Variants in SLC45A1 observed in about 807,000 individuals in gnomAD.
SLC45A1 encodes proton-associated sugar transporter A.
A neutral mutation model predicts 57.6 loss-of-function variants in SLC45A1; 28 were observed. That is an observed-to-expected ratio of 0.49 (90% CI 0.36 to 0.67). The LOEUF (loss-of-function observed/expected upper bound fraction) is 0.67. SLC45A1 is among the 30% of genes least tolerant of loss of function. The probability of loss-of-function intolerance (pLI) is 0.00; values close to 1 mark genes in which losing one functional copy is unlikely to be tolerated. For missense variants in SLC45A1, 814 were observed against 1,041.5 expected, an observed-to-expected ratio of 0.78 and a Z score of 3.01; for synonymous variants, 459 against 471.5, an observed-to-expected ratio of 0.97 and a Z score of 0.34.
intron 6 of SLC45A1, among the ~76,000 whole-genome samples, chr1:8,336,895 C>T (rs977030032): frequency 9.2e-5 from 14 of 152,208 alleles, no homozygotes; most frequent in Admixed American, 6.5e-4. Flanking sequence ...CATGTCTGTG[C>T]TTCCCGGTGG....
intron 5 of SLC45A1, 148 bp downstream of exon 5, chr1:8,331,084 A>C: frequency 9.2e-7 from 1 of 1,085,444 alleles, no homozygotes; most frequent in Non-Finnish European, 1.3e-6. Flanking sequence ...CTAAAGAGAA[A>C]AGCCTTAGAG....
In SLC45A1 at chr1:8,328,749, G is replaced by C. The variant is rs1640278589; in HGVS notation, c.716-1460G>C. ...AGCTACTCGGGAGGCTGAGGCAGGAGAATCACTTGAGCCCAGGAGGAGGAG... is the reference window on the plus strand; with the variant it reads ...AGCTACTCGGGAGGCTGAGGCAGGACAATCACTTGAGCCCAGGAGGAGGAG... On this transcript the variant is annotated intron_variant, in intron 4 of 8. Transcript: ENST00000471889. This position sits in a 1 kb window ranked among gnomAD's most constrained non-coding sequence, Gnocchi z 4.6. Among the ~76,000 whole-genome samples the C allele has an allele frequency of 6.6e-6, 1 of 152,216 alleles. No individual in the cohort carries two copies. Among genetic ancestry groups the C allele is most frequent in the African/African-American group, 2.4e-5 (1 of 41,450 alleles).
chr1:8,344,117 T>A lies in SLC45A1; in HGVS notation c.*104T>A. The A allele has an allele frequency of 9.6e-7, 1 of 1,039,830 alleles. No homozygotes were observed. Among genetic ancestry groups the A allele is most frequent in the South Asian group, 1.7e-5 (1 of 57,786 alleles). 64.4% of individuals were successfully genotyped at this position (1,039,830 alleles called of 1,614,324 possible). A position where few individuals can be genotyped will look rare whatever the true frequency, so the allele number is the denominator to read the frequency against. ...TTGTTGGACAGGGGGACTGGCTGCC[T>A]ACTGGAATGTAAATATGTGATAAAA... On this transcript the variant is annotated 3_prime_UTR_variant, in exon 9 of 9. Coordinates refer to ENST00000471889, the MANE Select transcript of SLC45A1 (RefSeq NM_001080397.3).
intron 4 of SLC45A1, among the ~76,000 whole-genome samples, chr1:8,329,222 T>C (rs537546610): frequency 1.3e-5 from 2 of 152,268 alleles, no homozygotes; most frequent in East Asian, 3.9e-4. Context: ...CCATAGAAGT[T>C]CTTATTTGAA....
rs1640283044 is a variant in SLC45A1 at position 8,328,824 on chromosome 1, A to C, written c.716-1385A>C. ...GCTGCACTCCAGCCTGGGCAATAAG[A>C]GTGAAACTCCGTCTCAAAGAAAAAT... On this transcript the variant is annotated intron_variant, in intron 4 of 8. Coordinates refer to ENST00000471889, the MANE Select transcript of SLC45A1 (RefSeq NM_001080397.3). This position sits in a 1 kb window ranked among gnomAD's most constrained non-coding sequence, Gnocchi z 4.6. Among the ~76,000 whole-genome samples, 1 of 152,206 alleles carries C rather than the reference A, an allele frequency of 6.6e-6. No individual in the cohort carries two copies. The highest frequency in any genetic ancestry group is 2.1e-4 in the South Asian group (1 of 4,836).
At chr1:8,342,966 C>G (rs1002510972) in intron 8 of SLC45A1, among the ~76,000 whole-genome samples, 2 of 152,098 alleles carry the variant, frequency 1.3e-5, no homozygotes, top group African/African-American at 2.4e-5. Context: ...CTGAGTTTCT[C>G]TCTCTCCCTT....
rs775819094 is a variant in SLC45A1 at position 8,330,233 on chromosome 1, TG to T, written c.742del (p.Val248SerfsTer30). On this transcript the variant is annotated frameshift_variant, in exon 5 of 9. Coordinates refer to ENST00000471889, the MANE Select transcript of SLC45A1 (RefSeq NM_001080397.3). LOFTEE classifies it high-confidence loss of function. The surrounding 1 kb of genome is among the most constrained non-coding windows in gnomAD (Gnocchi z 8.4). Reference protein sequence around the residue: ...LAGLGGGFGYVVGGIHWDKTG... With the variant: ...LAGLGGGFGYXVGGIHWDKTG... ...GGTCTCGGAGGAGGCTTTGGATACG[TG>T]GTCGGCGGAATCCACTGGGATAAAA... 7 of 1,613,736 alleles carry T rather than the reference TG, an allele frequency of 4.3e-6. No homozygotes were observed. Among genetic ancestry groups the T allele is most frequent in the Non-Finnish European group, 5.9e-6 (7 of 1,179,904 alleles).
In SLC45A1 at chr1:8,335,494, G is replaced by T; in HGVS notation, c.1501G>T (p.Glu501Ter). The change falls in exon 6 of 9, where the codon GAG (glutamate) becomes TAG (stop). Residue 501 changes from glutamate to a stop codon, truncating the protein, a stop_gained. Coordinates refer to ENST00000471889, the MANE Select transcript of SLC45A1 (RefSeq NM_001080397.3). LOFTEE classifies it high-confidence loss of function. This position sits in a 1 kb window ranked among gnomAD's most constrained non-coding sequence, Gnocchi z 4.1. Reference protein sequence around the residue: ...KYESELTGSSERAEQPLSVGR... With the variant: ...KYESELTGSS ...TGAGAGCGAGCTGACGGGCTCCAGC[G>T]AGCGCGCGGAGCAGCCTCTGTCCGT... 1.2e-6 allele frequency: 2 copies of T among 1,602,564 alleles called. No homozygotes were observed. The highest frequency in any genetic ancestry group is 1.7e-6 in the Non-Finnish European group (2 of 1,179,640).
chr1:8,326,046 A>T lies in SLC45A1; in HGVS notation c.715+4A>T. On this transcript the variant is annotated splice_donor_region_variant and intron_variant, in intron 4 of 8. Transcript: ENST00000471889. The surrounding 1 kb of genome is among the most constrained non-coding windows in gnomAD (Gnocchi z 5.5). Reference sequence around the variant, plus strand: ...AACATCCACGCCCTCCTGGCAGGTGAGTCTCCGCAGCAGGGCCGAAGCTGA... The same window carrying T: ...AACATCCACGCCCTCCTGGCAGGTGTGTCTCCGCAGCAGGGCCGAAGCTGA... The T allele has an allele frequency of 6.3e-7, 1 of 1,599,580 alleles. No homozygotes were observed. The highest frequency in any genetic ancestry group is 8.5e-7 in the Non-Finnish European group (1 of 1,179,012).
Position 8,324,504 on chromosome 1 carries a change from T to TGCCCCC in SLC45A1, c.175_176insGCCCCC (p.Ser59delinsCysProPro). On this transcript the variant is annotated protein_altering_variant, in exon 2 of 9. Transcript: ENST00000471889. ...CAAGAGGAGGAAGTGCATTCGTCCC[T>TGCCCCC]CCCCACCCCCGCCCCCCAACACCCC... 6 of 1,528,646 alleles carry TGCCCCC rather than the reference T, an allele frequency of 3.9e-6. No individual in the cohort carries two copies. Among genetic ancestry groups the TGCCCCC allele is most frequent in the Non-Finnish European group, 5.4e-6 (6 of 1,108,726 alleles). 94.7% of individuals were successfully genotyped at this position (1,528,646 alleles called of 1,614,324 possible).
chr1:8,335,697 G>A lies in SLC45A1; in HGVS notation c.1597+107G>A. ...GCCTCCCTTCCCAGAACCTTTCTGAGTTCACCAGCCCCCAACAACAGCACC... is the reference window on the plus strand; with the variant it reads ...GCCTCCCTTCCCAGAACCTTTCTGAATTCACCAGCCCCCAACAACAGCACC... On this transcript the variant is annotated intron_variant, in intron 6 of 8. Coordinates refer to ENST00000471889, the MANE Select transcript of SLC45A1 (RefSeq NM_001080397.3). The surrounding 1 kb of genome is among the most constrained non-coding windows in gnomAD (Gnocchi z 4.1). The A allele has an allele frequency of 5.5e-6, 7 of 1,277,694 alleles. No homozygotes were observed. The highest frequency in any genetic ancestry group is 7.4e-6 in the Non-Finnish European group (7 of 950,040). 79.1% of individuals were successfully genotyped at this position (1,277,694 alleles called of 1,614,324 possible).
At position 8,328,217 on chromosome 1, in the gene SLC45A1, G is replaced by C. The variant is rs1040004291; in HGVS notation, c.716-1992G>C. 6.6e-6 allele frequency: 1 copy of C among 152,076 alleles called. No homozygotes were observed. Among genetic ancestry groups the C allele is most frequent in the African/African-American group, 2.4e-5 (1 of 41,382 alleles). The allele number at this position is 152,076 out of a possible 1,614,324, so 9.4% of individuals were successfully genotyped here. A position where few individuals can be genotyped will look rare whatever the true frequency, so the allele number is the denominator to read the frequency against. On this transcript the variant is annotated intron_variant, in intron 4 of 8. Coordinates refer to ENST00000471889, the MANE Select transcript of SLC45A1 (RefSeq NM_001080397.3). This position sits in a 1 kb window ranked among gnomAD's most constrained non-coding sequence, Gnocchi z 4.6. ...TATTGGAACAATGTTTAAAAATCAA[G>C]GGAAAAGCCTAATGAGACATTAGGC...
At position 8,343,958 on chromosome 1, in the gene SLC45A1, T is replaced by A. The variant is rs1232054308; in HGVS notation, c.2192T>A (p.Ile731Asn). ...LYSSLFVIYE[I>N]PPSDAADEEH... ...TCCTCCCTGTTTGTCATTTATGAAA[T>A]TCCTCCCAGCGACGCTGCAGACGAG... The change falls in exon 9 of 9, where the codon ATT becomes AAT. Residue 731 changes from isoleucine to asparagine, a missense_variant. Coordinates refer to ENST00000471889, the MANE Select transcript of SLC45A1 (RefSeq NM_001080397.3). This position sits in a 1 kb window ranked among gnomAD's most constrained non-coding sequence, Gnocchi z 7.7. The A allele has an allele frequency of 6.2e-7, 1 of 1,613,914 alleles. No homozygotes were observed. Among genetic ancestry groups the A allele is most frequent in the South Asian group, 1.1e-5 (1 of 91,068 alleles).
chr1:8,338,608 T>G (rs1640701422), intron 7 of SLC45A1, among the ~76,000 whole-genome samples: 2 of 152,246 alleles, frequency 1.3e-5, no homozygotes, highest in African/African-American at 2.4e-5. Context: ...TATTTCCGGC[T>G]TTGCCGGCCC....
At chr1:8,323,221 G>A (rs1392307413) in intron 1 of SLC45A1, among the ~76,000 whole-genome samples, 2 of 152,076 alleles carry the variant, frequency 1.3e-5, no homozygotes, top group African/African-American at 4.8e-5. Context: ...GGCTGGGCAC[G>A]GTGGCTCACG....
chr1:8,341,217 G>GAT (rs1398871161), intron 8 of SLC45A1, among the ~76,000 whole-genome samples: 3 of 142,910 alleles, frequency 2.1e-5, no homozygotes, highest in South Asian at 2.3e-4. Flanking sequence ...AAAAAAAAAA[G>GAT]AGTAAGAGGG....
chr1:8,344,105 G>A lies in SLC45A1; in HGVS notation c.*92G>A. 1 of 1,240,376 alleles carries A rather than the reference G, an allele frequency of 8.1e-7. No homozygotes were observed. The highest frequency in any genetic ancestry group is 1.1e-6 in the Non-Finnish European group (1 of 898,812). 76.8% of individuals were successfully genotyped at this position (1,240,376 alleles called of 1,614,324 possible). A position where few individuals can be genotyped will look rare whatever the true frequency, so the allele number is the denominator to read the frequency against. ...GACCAAAGGGCCTTGTTGGACAGGGGGACTGGCTGCCTACTGGAATGTAAA... is the reference window on the plus strand; with the variant it reads ...GACCAAAGGGCCTTGTTGGACAGGGAGACTGGCTGCCTACTGGAATGTAAA... On this transcript the variant is annotated 3_prime_UTR_variant, in exon 9 of 9. Coordinates refer to ENST00000471889, the MANE Select transcript of SLC45A1 (RefSeq NM_001080397.3).
Position 8,330,316 on chromosome 1 carries a change from G to A in SLC45A1, c.823G>A (p.Val275Ile), listed in dbSNP as rs1466010981. The change falls in exon 5 of 9, where the codon GTC (valine) becomes ATC (isoleucine). Residue 275 changes from valine (V) to isoleucine (I), a missense_variant. Coordinates refer to ENST00000471889, the MANE Select transcript of SLC45A1 (RefSeq NM_001080397.3). The surrounding 1 kb of genome is among the most constrained non-coding windows in gnomAD (Gnocchi z 8.4). The stretch of plus-strand genomic sequence containing the variant: ...CCGAGTCATTTACCTCTTCACTGCG[G>A]TCACCCTGAGCGTCACCACCGTCCT... ...QLRVIYLFTA[V>I]TLSVTTVLTL... The A allele has an allele frequency of 8.1e-6, 13 of 1,613,528 alleles. No homozygotes were observed. The highest frequency in any genetic ancestry group is 1.7e-6 in the Non-Finnish European group (2 of 1,180,000).
chr1:8,330,336 C>T lies in SLC45A1; in HGVS notation c.843C>T (p.Thr281=), dbSNP rs201747030. ...CTGCGGTCACCCTGAGCGTCACCAC[C>T]GTCCTGACCCTGGTCAGCATCCCTG... ...LFTAVTLSVT[T]VLTLVSIPER... is the part of the protein sequence containing the mutation. Residue 281 remains threonine (T), a synonymous_variant, in exon 5 of 9, where the codon ACC becomes ACT. Transcript: ENST00000471889. This position sits in a 1 kb window ranked among gnomAD's most constrained non-coding sequence, Gnocchi z 8.4. 58 of 1,613,552 alleles carry T rather than the reference C, an allele frequency of 3.6e-5. No homozygotes were observed. In the East Asian group the frequency reaches 5.6e-4, roughly 16 times the overall value.
Sources: gnomAD v4.1 joint callset for allele counts (sites outside exome capture counted in the v4.1 genomes callset) on GRCh38, gnomAD v4.1.1 for gene constraint, Gnocchi (gnomAD v3.1) non-coding constraint, MANE v1.5 for transcripts, NCBI Gene and HGNC (gene_info 2026-07-23, HGNC 2026-07-21) for gene names.